Variants in DOCK2 observed in about 807,000 individuals in gnomAD.
DOCK2 encodes the protein dedicator of cytokinesis 2.
DOCK2 carries 87 observed loss-of-function variants against 248.9 expected under a neutral mutation model. The observed-to-expected ratio is 0.35, with a 90% CI of 0.29 to 0.42. DOCK2 has a LOEUF of 0.42. Among genes scored for constraint, DOCK2 ranks in the 10% least tolerant of loss-of-function variants. The probability of loss-of-function intolerance (pLI) is 1.00; values close to 1 mark genes in which losing one functional copy is unlikely to be tolerated. For synonymous variants in DOCK2, 805 were observed against 821.6 expected, an observed-to-expected ratio of 0.98 and a Z score of 0.35; for missense variants, 1,747 against 2,300.2, an observed-to-expected ratio of 0.76 and a Z score of 4.92.
intron 22 of DOCK2, among the ~76,000 whole-genome samples, chr5:169,745,428 C>A (rs1483033603): frequency 6.6e-6 from 1 of 152,234 alleles, no homozygotes; most frequent in Non-Finnish European, 1.5e-5. Flanking sequence ...ATGCTGAGAA[C>A]TTCCCATGTG....
chr5:170,079,949 C>T lies in DOCK2; in HGVS notation c.5167-214C>T, dbSNP rs544910819. On this transcript the variant is annotated intron_variant, in intron 49 of 51. Coordinates refer to ENST00000520908, the MANE Select transcript of DOCK2 (RefSeq NM_004946.3). ...TTACATGATAGTCTAAATGAATGTC[C>T]GCCACCCCCGCCTGTAGTTGTGTAG... is the stretch of plus-strand genomic sequence containing the variant. 1.2e-4 allele frequency: 75 copies of T among 620,528 alleles called. 1 individual carries two copies. The highest frequency in any genetic ancestry group is 9.9e-4 in the East Asian group (34 of 34,452). 38.4% of individuals were successfully genotyped at this position (620,528 alleles called of 1,614,324 possible).
intron 22 of DOCK2, among the ~76,000 whole-genome samples, chr5:169,744,987 G>A (rs781505183): frequency 3.3e-5 from 5 of 152,210 alleles, no homozygotes; most frequent in Non-Finnish European, 5.9e-5. Flanking sequence ...TGTTAAATGT[G>A]GGTGGGAGAC....
chr5:169,966,777 G>A (rs1487397968), intron 27 of DOCK2, among the ~76,000 whole-genome samples: 1 of 152,150 alleles, frequency 6.6e-6, no homozygotes, highest in African/African-American at 2.4e-5. Context: ...GAATGGCCAG[G>A]ACTCCATGAG....
intron 27 of DOCK2, among the ~76,000 whole-genome samples, chr5:169,961,989 A>ATAAAAAAAAAAAAAAAT (rs1777107388): frequency 6.7e-6 from 1 of 149,928 alleles, no homozygotes. Flanking sequence ...AAAAAAAAAA[A>ATAAAAAAAAAAAAAAAT]AAAAAATGGA....
intron 1 of DOCK2, among the ~76,000 whole-genome samples, chr5:169,637,893 C>T (rs912355158): frequency 1.3e-5 from 2 of 152,078 alleles, no homozygotes; most frequent in Admixed American, 6.5e-5. Flanking sequence ...TGGGGCTGGA[C>T]GGTGGGGTTC....
rs75216054 is a variant in DOCK2 at position 169,938,437 on chromosome 5, G to C, written c.2800-44631G>C. ...ATAAGGTAGAGCCTATTGCTCCTACGCTGTAAACCTGTATAGCATGTTACT... is the reference window on the plus strand; with the variant it reads ...ATAAGGTAGAGCCTATTGCTCCTACCCTGTAAACCTGTATAGCATGTTACT... On this transcript the variant is annotated intron_variant, in intron 27 of 51. Transcript: ENST00000520908. 0.013 allele frequency among the ~76,000 whole-genome samples: 1,908 copies of C among 152,244 alleles called. 77 individuals carry two copies. In the East Asian group the frequency reaches 0.13, roughly 11 times the overall value.
At chr5:169,642,607 G>A (rs1472300843) in intron 1 of DOCK2, among the ~76,000 whole-genome samples, 1 of 152,152 alleles carries the variant, frequency 6.6e-6, no homozygotes, top group African/African-American at 2.4e-5. Flanking sequence ...AAAAATACAT[G>A]GATTAGACAT....
intron 48 of DOCK2, 23 bp downstream of exon 48, chr5:170,077,860 GC>G (rs534050701): frequency 3.1e-6 from 5 of 1,607,662 alleles, no homozygotes; most frequent in Non-Finnish European, 4.2e-6. Flanking sequence ...ACCCCAAGGA[GC>G]CCCCCACACC....
intron 30 of DOCK2, among the ~76,000 whole-genome samples, chr5:170,001,173 A>C (rs2113802825): frequency 6.6e-6 from 1 of 152,328 alleles, no homozygotes; most frequent in East Asian, 1.9e-4. Flanking sequence ...AAGCATCCCC[A>C]GAGTGGTCAT....
At position 170,003,590 on chromosome 5, in the gene DOCK2, A is replaced by G. The variant is rs965637053; in HGVS notation, c.3073-4907A>G. Among the ~76,000 whole-genome samples the G allele has an allele frequency of 2.6e-5, 4 of 152,236 alleles. No individual in the cohort carries two copies. In the South Asian group the frequency reaches 8.3e-4, roughly 32 times the overall value. On this transcript the variant is annotated intron_variant, in intron 30 of 51. Coordinates refer to ENST00000520908, the MANE Select transcript of DOCK2 (RefSeq NM_004946.3). ...TGTAAGAATAGGACACAATCCCTGC[A>G]GGTGTGAGAACCACAGTGAGTGAAG...
chr5:169,959,413 G>A (rs1333394622), intron 27 of DOCK2, among the ~76,000 whole-genome samples: 1 of 151,922 alleles, frequency 6.6e-6, no homozygotes, highest in Non-Finnish European at 1.5e-5. Flanking sequence ...ACAACTCTAG[G>A]GGAGTCCAGA....
intron 25 of DOCK2, among the ~76,000 whole-genome samples, chr5:169,787,436 T>C (rs780246904): frequency 4.6e-5 from 7 of 152,130 alleles, no homozygotes; most frequent in African/African-American, 7.2e-5. Context: ...TCCCAGAAAA[T>C]CCTGTCCCCC....
rs143304020 is a variant in DOCK2 at position 169,843,478 on chromosome 5, C to T, written c.2799+2626C>T. Among the ~76,000 whole-genome samples, 374 of 152,232 alleles carry T rather than the reference C, an allele frequency of 2.5e-3. 3 individuals are homozygous for T. Among genetic ancestry groups the T allele is most frequent in the African/African-American group, 8.3e-3 (343 of 41,530 alleles). ...CAGAGGTTGCAGTGAACCAAGATCG[C>T]GCCACTGCACTCCAGCCTGGGTGAT... is the stretch of plus-strand genomic sequence containing the variant. On this transcript the variant is annotated intron_variant, in intron 27 of 51. Coordinates refer to ENST00000520908, the MANE Select transcript of DOCK2 (RefSeq NM_004946.3).
chr5:169,709,734 T>A (rs373055509), intron 15 of DOCK2, among the ~76,000 whole-genome samples: 34 of 151,842 alleles, frequency 2.2e-4, no homozygotes, highest in African/African-American at 7.5e-4. Context: ...AAAAAAAAAA[T>A]TCATACGTTA....
chr5:169,968,259 G>T (rs1334744585), intron 27 of DOCK2, among the ~76,000 whole-genome samples: 2 of 152,160 alleles, frequency 1.3e-5, no homozygotes, highest in Non-Finnish European at 2.9e-5. Context: ...TGGCCCTGTG[G>T]GCACTGGGAT....
At chr5:169,645,502 A>T (rs961621204) in intron 1 of DOCK2, among the ~76,000 whole-genome samples, 2 of 152,094 alleles carry the variant, frequency 1.3e-5, no homozygotes, top group Non-Finnish European at 2.9e-5. Flanking sequence ...TAAGTTTCTT[A>T]TAGATTCTGG....
At chr5:169,965,083 G>A (rs998370316) in intron 27 of DOCK2, among the ~76,000 whole-genome samples, 1 of 152,200 alleles carries the variant, frequency 6.6e-6, no homozygotes, top group Non-Finnish European at 1.5e-5. Flanking sequence ...TGTGCTAGGG[G>A]CCCATCATCC....
intron 30 of DOCK2, among the ~76,000 whole-genome samples, chr5:170,001,141 G>A (rs1754816515): frequency 6.6e-6 from 1 of 152,104 alleles, no homozygotes; most frequent in Non-Finnish European, 1.5e-5. Context: ...CCACACCTGG[G>A]ACCTTCCACT....
At position 169,918,255 on chromosome 5, in the gene DOCK2, G is replaced by A. The variant is rs116081350; in HGVS notation, c.2800-64813G>A. On this transcript the variant is annotated intron_variant, in intron 27 of 51. Coordinates refer to ENST00000520908, the MANE Select transcript of DOCK2 (RefSeq NM_004946.3). ...TAGGACAGTCCCAGTTTATATTTGCGATACTGGTATAATTATTACTATCTC... is the reference window on the plus strand; with the variant it reads ...TAGGACAGTCCCAGTTTATATTTGCAATACTGGTATAATTATTACTATCTC... Among the ~76,000 whole-genome samples, 1,262 of 152,232 alleles carry A rather than the reference G, an allele frequency of 8.3e-3. 19 individuals carry two copies. Among genetic ancestry groups the A allele is most frequent in the African/African-American group, 0.029 (1,205 of 41,528 alleles).
Sources: gnomAD v4.1 joint callset for allele counts (sites outside exome capture counted in the v4.1 genomes callset) on GRCh38, gnomAD v4.1.1 for gene constraint, MANE v1.5 for transcripts, NCBI Gene and HGNC (gene_info 2026-07-23, HGNC 2026-07-21) for gene names.